The following RORA variants were observed in gnomAD, a reference collection of about 807,000 sequenced individuals.
RORA encodes nuclear receptor ROR-alpha.
Under a neutral mutation model 69.5 loss-of-function variants are expected in RORA, and 7 were observed. That is an observed-to-expected ratio of 0.10 (90% CI 0.06 to 0.19). The LOEUF (loss-of-function observed/expected upper bound fraction) is 0.19. RORA is among the 10% of genes least tolerant of loss of function. RORA has a pLI of 1.00. For synonymous variants in RORA, 261 were observed against 240.8 expected (o/e 1.08, Z -0.78); for missense variants, 457 against 663.0 (o/e 0.69, Z 3.41).
intron 1 of RORA, among the ~76,000 whole-genome samples, chr15:61,140,576 C>T (rs768702080): frequency 5.9e-5 from 9 of 152,030 alleles, no homozygotes; most frequent in Middle Eastern, 3.4e-3. Context: ...ACAGAAGTGA[C>T]GAGGAATGAT....
chr15:60,578,964 C>CTG (rs1189676466), intron 2 of RORA, among the ~76,000 whole-genome samples: 4 of 151,796 alleles, frequency 2.6e-5, no homozygotes, highest in Non-Finnish European at 5.9e-5. Flanking sequence ...GGGGTTTCAC[C>CTG]ATGTTAGCCA....
At chr15:60,835,324 C>T (rs1414750328) in intron 1 of RORA, among the ~76,000 whole-genome samples, 6 of 152,194 alleles carry the variant, frequency 3.9e-5, no homozygotes, top group Non-Finnish European at 1.5e-5. Flanking sequence ...TAGCCTGGGG[C>T]CATGGTACAA....
intron 1 of RORA, among the ~76,000 whole-genome samples, chr15:61,116,638 G>A (rs1484690224): frequency 1.3e-5 from 2 of 152,136 alleles, no homozygotes; most frequent in African/African-American, 4.8e-5. Context: ...CTCATTTTAC[G>A]GAGGAAGAAG....
chr15:60,655,701 C>T (rs180927310), intron 2 of RORA, among the ~76,000 whole-genome samples: 10 of 152,178 alleles, frequency 6.6e-5, no homozygotes, highest in Non-Finnish European at 1.2e-4. Context: ...TCATTTTCGT[C>T]GGATTTTACT....
At chr15:60,716,707 A>T (rs1272329132) in intron 1 of RORA, among the ~76,000 whole-genome samples, 1 of 151,690 alleles carries the variant, frequency 6.6e-6, no homozygotes, top group Non-Finnish European at 1.5e-5. Flanking sequence ...AGGTTTTAAG[A>T]CCCTCCTCAG....
intron 1 of RORA, among the ~76,000 whole-genome samples, chr15:61,185,408 A>G (rs2079731977): frequency 6.8e-6 from 1 of 146,566 alleles, no homozygotes; most frequent in African/African-American, 2.5e-5. Flanking sequence ...ACTCAAGTAT[A>G]AAGAAAAAGT....
chr15:60,883,061 G>A (rs974219221), intron 1 of RORA, among the ~76,000 whole-genome samples: 4 of 146,406 alleles, frequency 2.7e-5, no homozygotes, highest in Non-Finnish European at 5.9e-5. Context: ...AACCTGGGAG[G>A]TGGAAGCTGC....
chr15:60,746,405 C>T (rs142255346), intron 1 of RORA, among the ~76,000 whole-genome samples: 6 of 152,156 alleles, frequency 3.9e-5, no homozygotes, highest in East Asian at 1.9e-4. Context: ...TGTATAGTCA[C>T]CGCTTACAAC....
chr15:60,895,630 A>G (rs1891213490), intron 1 of RORA, among the ~76,000 whole-genome samples: 1 of 152,170 alleles, frequency 6.6e-6, no homozygotes, highest in African/African-American at 2.4e-5. Context: ...GAGGCTTTTT[A>G]TTTAAAAAAT....
chr15:60,967,821 T>C (rs1421705981), intron 1 of RORA, among the ~76,000 whole-genome samples: 4 of 152,174 alleles, frequency 2.6e-5, no homozygotes, highest in Non-Finnish European at 5.9e-5. Context: ...GCCCAGCCGC[T>C]CACAGGCACC....
chr15:60,863,845 C>T (rs1236446075), intron 1 of RORA, among the ~76,000 whole-genome samples: 3 of 151,302 alleles, frequency 2.0e-5, no homozygotes, highest in Non-Finnish European at 4.4e-5. Context: ...CTCGCTCTGT[C>T]GCCCAGGCTG....
At chr15:60,917,634 C>T in intron 1 of RORA, among the ~76,000 whole-genome samples, 1 of 152,212 alleles carries the variant, frequency 6.6e-6, no homozygotes, top group East Asian at 1.9e-4. Context: ...TTTGCTGGGC[C>T]AGAGCCCTCG....
intron 1 of RORA, among the ~76,000 whole-genome samples, chr15:61,167,306 A>C (rs763494849): frequency 6.6e-6 from 1 of 152,112 alleles, no homozygotes; most frequent in Non-Finnish European, 1.5e-5. Flanking sequence ...CCTGATATTC[A>C]TATAGTCCAG....
In RORA at chr15:60,601,237, A is replaced by C. The variant is rs546524554; in HGVS notation, c.197-69386T>G. ...CATGTGTGCAAGAAATTCTTTTATC[A>C]CTGGCTTCTATAATTGAGCAAGGTT... is the stretch of plus-strand genomic sequence containing the variant. On this transcript the variant is annotated intron_variant, in intron 2 of 10. Coordinates refer to ENST00000335670, the MANE Select transcript of RORA (RefSeq NM_134261.3). 5.9e-5 allele frequency among the ~76,000 whole-genome samples: 9 copies of C among 152,318 alleles called. No individual in the cohort carries two copies. The South Asian group carries it at 1.9e-3, about 32-fold the overall frequency.
At chr15:60,914,888 C>CT (rs374975434) in intron 1 of RORA, among the ~76,000 whole-genome samples, 5 of 152,312 alleles carry the variant, frequency 3.3e-5, no homozygotes, top group African/African-American at 4.8e-5. Context: ...CAGGAAGAAG[C>CT]TTTGGTGAAG....
At chr15:61,053,868 T>TATATATATATA (rs1375180186) in intron 1 of RORA, among the ~76,000 whole-genome samples, 10 of 140,144 alleles carry the variant, frequency 7.1e-5, no homozygotes, top group Non-Finnish European at 1.1e-4. Flanking sequence ...TATATAAACA[T>TATATATATATA]TCTTCAGGGA....
At chr15:60,512,637 A>G (rs2065739664) in intron 4 of RORA, among the ~76,000 whole-genome samples, 1 of 152,222 alleles carries the variant, frequency 6.6e-6, no homozygotes. Flanking sequence ...GCCTCAAGTA[A>G]TCACAGCATC....
At chr15:60,498,798 A>G (rs1430877467) in intron 10 of RORA, among the ~76,000 whole-genome samples, 1 of 152,158 alleles carries the variant, frequency 6.6e-6, no homozygotes, top group Non-Finnish European at 1.5e-5. Context: ...TGCAAAATCA[A>G]AAAGCAAAAC....
intron 1 of RORA, among the ~76,000 whole-genome samples, chr15:60,882,240 A>G (rs1452502351): frequency 1.3e-5 from 2 of 152,098 alleles, no homozygotes; most frequent in African/African-American, 4.8e-5. Flanking sequence ...ATTCTCGATT[A>G]GGGGCAATTT....
Sources: gnomAD v4.1 joint callset for allele counts (sites outside exome capture counted in the v4.1 genomes callset) on GRCh38, gnomAD v4.1.1 for gene constraint, MANE v1.5 for transcripts, NCBI Gene and HGNC (gene_info 2026-07-23, HGNC 2026-07-21) for gene names.